FUT9: variants seen among roughly 807,000 people sequenced by gnomAD.
The protein encoded by FUT9 is 4-galactosyl-N-acetylglucosaminide 3-alpha-L-fucosyltransferase 9.
In FUT9, 15 loss-of-function variants were observed where a neutral mutation model predicts 29.7. The observed-to-expected ratio is 0.51, with a 90% CI of 0.34 to 0.78. FUT9 has a LOEUF of 0.78. FUT9 is among the 30% of genes least tolerant of loss of function. The probability of loss-of-function intolerance (pLI) is 0.01; values close to 1 mark genes in which losing one functional copy is unlikely to be tolerated. For missense variants in FUT9, 319 were observed against 425.4 expected (o/e 0.75, Z 2.20); for synonymous variants, 169 against 153.7 (o/e 1.10, Z -0.74).
intron 2 of FUT9, among the ~76,000 whole-genome samples, chr6:96,199,081 T>C (rs532466262): frequency 6.6e-5 from 10 of 152,312 alleles, no homozygotes; most frequent in African/African-American, 2.4e-4. Context: ...CATTCTCTCA[T>C]AGTACTTGAA....
At chr6:96,120,953 C>T (rs1000766004) in intron 2 of FUT9, among the ~76,000 whole-genome samples, 2 of 151,948 alleles carry the variant, frequency 1.3e-5, no homozygotes, top group South Asian at 2.1e-4. Flanking sequence ...TTACACATAC[C>T]GTCCAATATC....
chr6:96,017,220 T>C (rs542210174), intron 1 of FUT9, among the ~76,000 whole-genome samples: 5 of 152,300 alleles, frequency 3.3e-5, no homozygotes, highest in Admixed American at 6.5e-5. Flanking sequence ...AAGCTCTTAT[T>C]TTTCTTTAGG....
chr6:96,140,171 C>A (rs191990901), intron 2 of FUT9, among the ~76,000 whole-genome samples: 308 of 152,272 alleles, frequency 2.0e-3, no homozygotes, highest in African/African-American at 7.0e-3. Flanking sequence ...CTTTGCATAG[C>A]AAGAATGACC....
rs1420706688 is a variant in FUT9, at chr6:96,119,317, G to A, written c.-9+5190G>A. 5.3e-5 allele frequency among the ~76,000 whole-genome samples: 8 copies of A among 152,122 alleles called. No individual in the cohort carries two copies. The East Asian group carries it at 1.5e-3, about 29-fold the overall frequency. ...TATGTTTAGATATACAAATACCATTGTGTTAAAATTTCCTAAAGCATTCAG... is the reference window on the plus strand; with the variant it reads ...TATGTTTAGATATACAAATACCATTATGTTAAAATTTCCTAAAGCATTCAG... On this transcript the variant is annotated intron_variant, in intron 2 of 2. Transcript: ENST00000302103.
chr6:96,106,910 A>T (rs1188802302), intron 1 of FUT9, among the ~76,000 whole-genome samples: 1 of 152,232 alleles, frequency 6.6e-6, no homozygotes, highest in East Asian at 1.9e-4. Flanking sequence ...AAAATAAAAA[A>T]ATTCATTTTG....
chr6:96,139,037 A>G (rs1772411994), intron 2 of FUT9, among the ~76,000 whole-genome samples: 3 of 152,228 alleles, frequency 2.0e-5, no homozygotes, highest in Non-Finnish European at 2.9e-5. Context: ...AGAAATTAAC[A>G]TTACAGGTGT....
At chr6:96,104,548 T>G (rs995125016) in intron 1 of FUT9, among the ~76,000 whole-genome samples, 4 of 152,236 alleles carry the variant, frequency 2.6e-5, no homozygotes, top group African/African-American at 9.6e-5. Context: ...TTTGTTTGTT[T>G]GAGACGGAGT....
rs191141833 is a variant in FUT9 at position 96,055,627 on chromosome 6, T to G, written c.-98+39415T>G. On this transcript the variant is annotated intron_variant, in intron 1 of 2. Transcript: ENST00000302103. ...GTTTGTTGTACCGGTTGTTTCTTTA[T>G]GGTGTGGTCTGTTTTCAGTTACACA... 2.6e-5 allele frequency among the ~76,000 whole-genome samples: 4 copies of G among 152,046 alleles called. No individual in the cohort carries two copies. The East Asian group carries it at 7.7e-4, about 29-fold the overall frequency.
intron 1 of FUT9, among the ~76,000 whole-genome samples, chr6:96,107,750 T>C (rs1039642385): frequency 1.3e-5 from 2 of 152,296 alleles, no homozygotes; most frequent in East Asian, 1.9e-4. Flanking sequence ...CAACTCAGCA[T>C]GTAGAACAGA....
intron 1 of FUT9, among the ~76,000 whole-genome samples, chr6:96,103,340 A>T (rs1582231446): frequency 6.6e-6 from 1 of 152,234 alleles, no homozygotes; most frequent in East Asian, 1.9e-4. Flanking sequence ...CTTTATATTC[A>T]AGAACTCAAC....
At chr6:96,139,006 T>TA (rs201658979) in intron 2 of FUT9, among the ~76,000 whole-genome samples, 5 of 151,886 alleles carry the variant, frequency 3.3e-5, no homozygotes, top group Admixed American at 2.6e-4. Flanking sequence ...CTCCATGTTT[T>TA]AAAAAAAATG....
intron 2 of FUT9, among the ~76,000 whole-genome samples, chr6:96,132,381 C>T (rs1407609152): frequency 6.6e-6 from 1 of 151,788 alleles, no homozygotes; most frequent in Admixed American, 6.6e-5. Context: ...GTGTTTCTGC[C>T]CCCAGTAGAA....
In FUT9 at chr6:96,211,025, C is replaced by T. The variant is rs1582314050; in HGVS notation, c.*6790C>T. 1 of 166,776 alleles carries T rather than the reference C, an allele frequency of 6.0e-6. No homozygotes were observed. Among genetic ancestry groups the T allele is most frequent in the Non-Finnish European group, 1.5e-5 (1 of 68,002 alleles). The allele number at this position is 166,776 out of a possible 1,614,324, so 10.3% of individuals were successfully genotyped here. A position where few individuals can be genotyped will look rare whatever the true frequency, so the allele number is the denominator to read the frequency against. ...TGTGAGGAATCCAGTGCTATTTTCA[C>T]AATTTTAATTCTAAAACTCTGAAGA... On this transcript the variant is annotated 3_prime_UTR_variant, in exon 3 of 3. Coordinates refer to ENST00000302103, the MANE Select transcript of FUT9 (RefSeq NM_006581.4).
intron 1 of FUT9, among the ~76,000 whole-genome samples, chr6:96,112,809 T>C (rs1271802948): frequency 6.6e-6 from 1 of 152,236 alleles, no homozygotes; most frequent in Non-Finnish European, 1.5e-5. Context: ...AACATACTTC[T>C]GGTGGCATTA....
intron 1 of FUT9, among the ~76,000 whole-genome samples, chr6:96,058,083 C>T (rs1241249459): frequency 3.9e-5 from 6 of 151,958 alleles, no homozygotes; most frequent in East Asian, 3.9e-4. Flanking sequence ...TATAACGGGT[C>T]AATAGCAGAC....
intron 1 of FUT9, among the ~76,000 whole-genome samples, chr6:96,044,922 A>G (rs926576185): frequency 2.0e-5 from 3 of 152,172 alleles, no homozygotes; most frequent in Non-Finnish European, 4.4e-5. Context: ...ATACAGCCTT[A>G]TATGTTCTAC....
chr6:96,017,980 T>A (rs1407797122), intron 1 of FUT9, among the ~76,000 whole-genome samples: 1 of 152,190 alleles, frequency 6.6e-6, no homozygotes, highest in Non-Finnish European at 1.5e-5. Flanking sequence ...TCAAACTGTA[T>A]CTGAGATTTT....
Position 96,123,636 on chromosome 6 carries a change from T to C in FUT9, c.-9+9509T>C, listed in dbSNP as rs887171927. On this transcript the variant is annotated intron_variant, in intron 2 of 2. Transcript: ENST00000302103. ...CATGTTCACTGAGAGGCAGAGCCAT[T>C]AATTCTTCAACTTTGTGTAAAATCA... is the stretch of plus-strand genomic sequence containing the variant. 2.0e-5 allele frequency among the ~76,000 whole-genome samples: 3 copies of C among 152,200 alleles called. No individual in the cohort carries two copies. In the East Asian group the frequency reaches 5.8e-4, roughly 29 times the overall value.
intron 2 of FUT9, among the ~76,000 whole-genome samples, chr6:96,120,591 CTTTTTTTTTTTTTTTT>C (rs57515226): frequency 1.8e-5 from 1 of 55,312 alleles, no homozygotes; most frequent in Non-Finnish European, 3.2e-5. Flanking sequence ...GCAAGACCAC[CTTTTTTTTTTTTTTTT>C]TTTTTTTTTT....
Sources: gnomAD v4.1 joint callset for allele counts (sites outside exome capture counted in the v4.1 genomes callset) on GRCh38, gnomAD v4.1.1 for gene constraint, MANE v1.5 for transcripts, NCBI Gene and HGNC (gene_info 2026-07-23, HGNC 2026-07-21) for gene names.